The following PLK1 variants were observed in gnomAD, a reference collection of about 807,000 sequenced individuals.
PLK1 encodes the protein polo like kinase 1.
A neutral mutation model predicts 56.7 loss-of-function variants in PLK1; 6 were observed. That is an observed-to-expected ratio of 0.11 (90% CI 0.06 to 0.21). PLK1 has a LOEUF of 0.21. Among genes scored for constraint, PLK1 ranks in the 10% least tolerant of loss-of-function variants. The probability of loss-of-function intolerance (pLI) is 1.00; values close to 1 mark genes in which losing one functional copy is unlikely to be tolerated. For synonymous variants in PLK1, 298 were observed against 325.0 expected (o/e 0.92, Z 0.89); for missense variants, 546 against 814.4 (o/e 0.67, Z 4.01).
At position 23,689,216 on chromosome 16, in the gene PLK1, A is replaced by G. The variant is rs781118166; in HGVS notation, c.1271-22A>G. Reference sequence around the variant, plus strand: ...CCACTTTCTATTCCCCCTTTCTGAGACCTCTCTCCACCGATCCCTAGGGTA... The same window carrying G: ...CCACTTTCTATTCCCCCTTTCTGAGGCCTCTCTCCACCGATCCCTAGGGTA... On this transcript the variant is annotated intron_variant, in intron 7 of 9. Transcript: ENST00000300093. This position sits in a 1 kb window ranked among gnomAD's most constrained non-coding sequence, Gnocchi z 4.8. 1.0e-5 allele frequency: 16 copies of G among 1,591,306 alleles called. No homozygotes were observed. The South Asian group carries it at 1.8e-4, about 18-fold the overall frequency.
chr16:23,683,890 C>T lies in PLK1; in HGVS notation c.837C>T (p.Ala279=), dbSNP rs758207949. ...SIPKHINPVA[A]SLIQKMLQTD... The stretch of plus-strand genomic sequence containing the variant: ...CCCAGCACATCAACCCCGTGGCCGC[C>T]TCCCTCATCCAGAAGATGCTTCAGA... The change falls in exon 5 of 10, where the codon GCC becomes GCT. Residue 279 remains alanine (A), a synonymous_variant. Transcript: ENST00000300093. The T allele has an allele frequency of 1.9e-6, 3 of 1,613,972 alleles. No homozygotes were observed. Among genetic ancestry groups the T allele is most frequent in the African/African-American group, 2.7e-5 (2 of 74,906 alleles).
Position 23,689,177 on chromosome 16 carries a change from C to A in PLK1, c.1271-61C>A. 6.7e-7 allele frequency: 1 copy of A among 1,481,786 alleles called. No individual in the cohort carries two copies. The highest frequency in any genetic ancestry group is 1.2e-5 in the South Asian group (1 of 83,982). 91.8% of individuals were successfully genotyped at this position (1,481,786 alleles called of 1,614,324 possible). ...GGAATCACAGGCATGTGCCACCACG[C>A]CCGGTCCCACTCCCCACTTTCTATT... On this transcript the variant is annotated intron_variant, in intron 7 of 9. Coordinates refer to ENST00000300093, the MANE Select transcript of PLK1 (RefSeq NM_005030.6). This position sits in a 1 kb window ranked among gnomAD's most constrained non-coding sequence, Gnocchi z 4.8.
chr16:23,689,853 C>T lies in PLK1; in HGVS notation c.1609-7C>T. On this transcript the variant is annotated splice_polypyrimidine_tract_variant and splice_region_variant and intron_variant, in intron 9 of 9. Coordinates refer to ENST00000300093, the MANE Select transcript of PLK1 (RefSeq NM_005030.6). This position sits in a 1 kb window ranked among gnomAD's most constrained non-coding sequence, Gnocchi z 4.8. ...GATCGCCAACCCCTGCTGCTCTTCT[C>T]TTGCAGGATCACACCAAGCTCATCT... is the stretch of plus-strand genomic sequence containing the variant. 1 of 1,612,110 alleles carries T rather than the reference C, an allele frequency of 6.2e-7. No homozygotes were observed. Among genetic ancestry groups the T allele is most frequent in the Non-Finnish European group, 8.5e-7 (1 of 1,178,296 alleles).
rs1959487443 is a variant in PLK1, at chr16:23,689,152, G to A, written c.1271-86G>A. 1 of 1,249,428 alleles carries A rather than the reference G, an allele frequency of 8.0e-7. No individual in the cohort carries two copies. Among genetic ancestry groups the A allele is most frequent in the Non-Finnish European group, 1.2e-6 (1 of 867,964 alleles). 77.4% of individuals were successfully genotyped at this position (1,249,428 alleles called of 1,614,324 possible). On this transcript the variant is annotated intron_variant, in intron 7 of 9. Transcript: ENST00000300093. The surrounding 1 kb of genome is among the most constrained non-coding windows in gnomAD (Gnocchi z 4.8). ...TCCTCCCTCAGCCTCCCAAAGTGCT[G>A]GAATCACAGGCATGTGCCACCACGC... is the stretch of plus-strand genomic sequence containing the variant.
rs183515413 is a variant in PLK1 at position 23,687,109 on chromosome 16, G to T, written c.1037-360G>T. 5.2e-4 allele frequency: 86 copies of T among 166,136 alleles called. 1 individual carries two copies. Among genetic ancestry groups the T allele is most frequent in the Non-Finnish European group, 9.0e-4 (70 of 77,454 alleles). The allele number at this position is 166,136 out of a possible 1,614,324, so 10.3% of individuals were successfully genotyped here. On this transcript the variant is annotated intron_variant, in intron 5 of 9. Coordinates refer to ENST00000300093, the MANE Select transcript of PLK1 (RefSeq NM_005030.6). Reference sequence around the variant, plus strand: ...TAAATGCCTACTGAATCCATTCTGTGGATGAACTGAACTACTCAGCCCTTC... The same window carrying T: ...TAAATGCCTACTGAATCCATTCTGTTGATGAACTGAACTACTCAGCCCTTC...
chr16:23,681,556 G>C (rs562698530), intron 3 of PLK1, among the ~76,000 whole-genome samples: 3 of 152,202 alleles, frequency 2.0e-5, no homozygotes, highest in Non-Finnish European at 2.9e-5. Context: ...CATCAGCAGC[G>C]GTTGGTGGCA....
In PLK1 at chr16:23,689,310, G is replaced by A. The variant is rs1959493752; in HGVS notation, c.1343G>A (p.Gly448Asp). 1.2e-6 allele frequency: 2 copies of A among 1,613,982 alleles called. No homozygotes were observed. The highest frequency in any genetic ancestry group is 1.7e-6 in the Non-Finnish European group (2 of 1,179,860). ...ACACGCCTCATCCTCTACAATGATG[G>A]TGACAGCCTGCAGTACATAGAGCGT... ...DSTRLILYND[G>D]DSLQYIERDG... The change falls in exon 8 of 10, where the codon GGT becomes GAT. Residue 448 changes from glycine to aspartate, a missense_variant. Around this residue, in one of 7 missense-constraint regions of PLK1, gnomAD observed 113 missense variants for 202.0 expected, o/e 0.56. Transcript: ENST00000300093. This position sits in a 1 kb window ranked among gnomAD's most constrained non-coding sequence, Gnocchi z 4.8.
chr16:23,684,179 C>T lies in PLK1; in HGVS notation c.1036+90C>T, dbSNP rs1179181547. 6.0e-6 allele frequency: 6 copies of T among 996,596 alleles called. No homozygotes were observed. In the South Asian group the frequency reaches 6.7e-5, roughly 11 times the overall value. 61.7% of individuals were successfully genotyped at this position (996,596 alleles called of 1,614,324 possible). A position where few individuals can be genotyped will look rare whatever the true frequency, so the allele number is the denominator to read the frequency against. Reference sequence around the variant, plus strand: ...GCAGCTTAGTCCCTGGCCCTGAGAGCTCAGGTGTGGAGTAGGACAGGCCTC... The same window carrying T: ...GCAGCTTAGTCCCTGGCCCTGAGAGTTCAGGTGTGGAGTAGGACAGGCCTC... On this transcript the variant is annotated intron_variant, in intron 5 of 9. Coordinates refer to ENST00000300093, the MANE Select transcript of PLK1 (RefSeq NM_005030.6).
chr16:23,681,265 G>C (rs940489071), intron 3 of PLK1, among the ~76,000 whole-genome samples: 2 of 152,186 alleles, frequency 1.3e-5, no homozygotes, highest in African/African-American at 4.8e-5. Context: ...CTAGGTCATG[G>C]GTACAGCGGA....
rs996050134 is a variant in PLK1 at position 23,689,086 on chromosome 16, GT to G, written c.1271-150del. 1.5e-6 allele frequency: 1 copy of G among 676,740 alleles called. No homozygotes were observed. Among genetic ancestry groups the G allele is most frequent in the Non-Finnish European group, 2.6e-6 (1 of 384,126 alleles). 41.9% of individuals were successfully genotyped at this position (676,740 alleles called of 1,614,324 possible). On this transcript the variant is annotated intron_variant, in intron 7 of 9. Coordinates refer to ENST00000300093, the MANE Select transcript of PLK1 (RefSeq NM_005030.6). The surrounding 1 kb of genome is among the most constrained non-coding windows in gnomAD (Gnocchi z 4.8). Reference sequence around the variant, plus strand: ...TTTTGTAGAGATGGGGTCTCATTACGTTGCCCAGGCTGGTCTCAAACTCCTG... The same window carrying G: ...TTTTGTAGAGATGGGGTCTCATTACGTGCCCAGGCTGGTCTCAAACTCCTG...
In PLK1 at chr16:23,689,001, G is replaced by C. The variant is rs558314383; in HGVS notation, c.1271-237G>C. On this transcript the variant is annotated intron_variant, in intron 7 of 9. Transcript: ENST00000300093. The surrounding 1 kb of genome is among the most constrained non-coding windows in gnomAD (Gnocchi z 4.8). Reference sequence around the variant, plus strand: ...GGCTCACTGCAGCCTCAAACTCCCAGGCCCCTAAGTAGCTGTGACTACAGG... The same window carrying C: ...GGCTCACTGCAGCCTCAAACTCCCACGCCCCTAAGTAGCTGTGACTACAGG... 6.6e-6 allele frequency among the ~76,000 whole-genome samples: 1 copy of C among 152,016 alleles called. No individual in the cohort carries two copies. The highest frequency in any genetic ancestry group is 2.1e-4 in the South Asian group (1 of 4,814).
intron 6 of PLK1, among the ~76,000 whole-genome samples, 154 bp from the exon 7 acceptor site, chr16:23,688,514 C>A (rs913337163): frequency 6.6e-6 from 1 of 152,360 alleles, no homozygotes; most frequent in East Asian, 1.9e-4. Flanking sequence ...AGCAGAGGCC[C>A]TGCTTTGCTC....
chr16:23,679,512 T>G, intron 1 of PLK1, 172 bp downstream of exon 1: 1 of 614,396 alleles, frequency 1.6e-6, no homozygotes, highest in Non-Finnish European at 2.8e-6. Context: ...TAAGGGCTTC[T>G]TGGCTCTGGG....
chr16:23,690,105 C>T lies in PLK1; in HGVS notation c.*42C>T. ...CGGACTGGTGCCCTCCTCACTCCCACCTGCATCTGGGGCCCATACTGGTTG... is the reference window on the plus strand; with the variant it reads ...CGGACTGGTGCCCTCCTCACTCCCATCTGCATCTGGGGCCCATACTGGTTG... On this transcript the variant is annotated 3_prime_UTR_variant, in exon 10 of 10. Coordinates refer to ENST00000300093, the MANE Select transcript of PLK1 (RefSeq NM_005030.6). 2 of 1,492,208 alleles carry T rather than the reference C, an allele frequency of 1.3e-6. No individual in the cohort carries two copies. The highest frequency in any genetic ancestry group is 1.8e-6 in the Non-Finnish European group (2 of 1,082,348). 92.4% of individuals were successfully genotyped at this position (1,492,208 alleles called of 1,614,324 possible).
At chr16:23,688,891 G>A in intron 7 of PLK1, 146 bp downstream of exon 7, 4 of 667,944 alleles carry the variant, frequency 6.0e-6, no homozygotes, top group Non-Finnish European at 1.1e-5. Context: ...CCAGCTCCCA[G>A]TGCTCCCTGA....
chr16:23,683,889 C>T lies in PLK1; in HGVS notation c.836C>T (p.Ala279Val). Residue 279 changes from alanine to valine, a missense_variant, in exon 5 of 10, where the codon GCC (alanine) becomes GTC (valine). This residue lies in a region of PLK1 where 157 missense variants were observed against 184.0 expected (regional missense o/e 0.85). Coordinates refer to ENST00000300093, the MANE Select transcript of PLK1 (RefSeq NM_005030.6). ...SIPKHINPVA[A>V]SLIQKMLQTD... Reference sequence around the variant, plus strand: ...CCCCAGCACATCAACCCCGTGGCCGCCTCCCTCATCCAGAAGATGCTTCAG... The same window carrying T: ...CCCCAGCACATCAACCCCGTGGCCGTCTCCCTCATCCAGAAGATGCTTCAG... The T allele has an allele frequency of 1.2e-6, 2 of 1,614,076 alleles. No individual in the cohort carries two copies. The highest frequency in any genetic ancestry group is 1.3e-5 in the African/African-American group (1 of 75,040).
chr16:23,683,062 C>T (rs974177956), intron 4 of PLK1, among the ~76,000 whole-genome samples: 32 of 141,900 alleles, frequency 2.3e-4, no homozygotes, highest in Non-Finnish European at 4.3e-4. Context: ...ACAATCTCGG[C>T]TCACTGCAAG....
At chr16:23,687,000 A>G (rs1959438026) in intron 5 of PLK1, 1 of 152,336 alleles carries the variant, frequency 6.6e-6, no homozygotes. Context: ...TTAAAATTTC[A>G]TGTTATCTTT....
rs748021874 is a variant in PLK1, at chr16:23,689,225, C to A, written c.1271-13C>A. 6.3e-6 allele frequency: 10 copies of A among 1,597,806 alleles called. No homozygotes were observed. Among genetic ancestry groups the A allele is most frequent in the Non-Finnish European group, 8.6e-6 (10 of 1,167,184 alleles). On this transcript the variant is annotated splice_polypyrimidine_tract_variant and intron_variant, in intron 7 of 9. Transcript: ENST00000300093. The surrounding 1 kb of genome is among the most constrained non-coding windows in gnomAD (Gnocchi z 4.8). Reference sequence around the variant, plus strand: ...ATTCCCCCTTTCTGAGACCTCTCTCCACCGATCCCTAGGGTATCAGCTCTG... The same window carrying A: ...ATTCCCCCTTTCTGAGACCTCTCTCAACCGATCCCTAGGGTATCAGCTCTG...
Sources: gnomAD v4.1 joint callset for allele counts (sites outside exome capture counted in the v4.1 genomes callset) on GRCh38, gnomAD v4.1.1 for gene constraint, gnomAD v4.1.1 regional missense constraint, Gnocchi (gnomAD v3.1) non-coding constraint, MANE v1.5 for transcripts, NCBI Gene and HGNC (gene_info 2026-07-23, HGNC 2026-07-21) for gene names.